Variants in ZCCHC4 observed in about 807,000 individuals in gnomAD.
The protein encoded by ZCCHC4 is zinc finger CCHC-type containing 4, also known as rRNA N(6)-adenosine-methyltransferase ZCCHC4.
In ZCCHC4, 54 loss-of-function variants were observed where a neutral mutation model predicts 67.7. The observed-to-expected ratio is 0.80, with a 90% CI of 0.64 to 1.00. The LOEUF (loss-of-function observed/expected upper bound fraction) is 1.00. Among genes scored for constraint, ZCCHC4 ranks in the 50% least tolerant of loss-of-function variants. ZCCHC4 has a pLI of 0.00. For synonymous variants in ZCCHC4, 198 were observed against 213.5 expected (o/e 0.93, Z 0.63); for missense variants, 609 against 617.0 (o/e 0.99, Z 0.14).
chr4:25,365,853 C>G, intron 12 of ZCCHC4: 2 of 985,188 alleles, frequency 2.0e-6, no homozygotes, highest in Non-Finnish European at 2.4e-6. Flanking sequence ...CTATTTTAAC[C>G]GAGCTAATTT....
chr4:25,337,352 T>A (rs111290572), intron 5 of ZCCHC4, among the ~76,000 whole-genome samples: 2,326 of 152,356 alleles, frequency 0.015, 35 homozygotes, highest in South Asian at 0.041. Flanking sequence ...TGTCTTTCTC[T>A]GTGTATTGAT....
intron 8 of ZCCHC4, among the ~76,000 whole-genome samples, chr4:25,358,821 C>G (rs574068231): frequency 6.6e-6 from 1 of 152,362 alleles, no homozygotes. Context: ...TATAATTACC[C>G]TGCTAACGCT....
intron 3 of ZCCHC4, among the ~76,000 whole-genome samples, chr4:25,327,380 C>CCCTT (rs1718937507): frequency 6.2e-5 from 8 of 128,734 alleles, no homozygotes; most frequent in Non-Finnish European, 1.3e-4. Context: ...TTGAGAATCT[C>CCCTT]CCTCCCTCCC....
intron 3 of ZCCHC4, among the ~76,000 whole-genome samples, chr4:25,323,935 GCTTT>G (rs1002012107): frequency 6.7e-6 from 1 of 150,306 alleles, no homozygotes; most frequent in Non-Finnish European, 1.5e-5. Context: ...CCACTGATCT[GCTTT>G]CTGTCACTAT....
intron 12 of ZCCHC4, among the ~76,000 whole-genome samples, chr4:25,367,529 A>G (rs1720995433): frequency 6.6e-6 from 1 of 152,206 alleles, no homozygotes; most frequent in Non-Finnish European, 1.5e-5. Context: ...GCCATTAGAG[A>G]TTATACTATA....
At chr4:25,347,998 TG>T (rs1720106731) in intron 6 of ZCCHC4, among the ~76,000 whole-genome samples, 1 of 150,520 alleles carries the variant, frequency 6.6e-6, no homozygotes, top group Non-Finnish European at 1.5e-5. Flanking sequence ...GATTCTTACC[TG>T]GAAAAAAAAA....
At chr4:25,351,536 C>T in intron 7 of ZCCHC4, 53 bp from the exon 8 acceptor site, 1 of 1,241,624 alleles carries the variant, frequency 8.1e-7, no homozygotes, top group Non-Finnish European at 1.1e-6. Context: ...CTACTGTAGC[C>T]TTCTATTTTT....
chr4:25,313,916 G>T, intron 1 of ZCCHC4, 130 bp from the exon 2 acceptor site: 2 of 625,084 alleles, frequency 3.2e-6, no homozygotes, highest in Non-Finnish European at 5.6e-6. Flanking sequence ...CAACCAAAGA[G>T]ATGGATTTAA....
At chr4:25,320,477 A>G (rs1338686872) in intron 3 of ZCCHC4, among the ~76,000 whole-genome samples, 1 of 152,242 alleles carries the variant, frequency 6.6e-6, no homozygotes, top group African/African-American at 2.4e-5. Flanking sequence ...AATGGAGATC[A>G]ATAAAAATGA....
rs1719967274 is a variant in ZCCHC4 at position 25,345,531 on chromosome 4, C to G, written c.687-17C>G. On this transcript the variant is annotated splice_polypyrimidine_tract_variant and intron_variant, in intron 5 of 12. Coordinates refer to ENST00000302874, the MANE Select transcript of ZCCHC4 (RefSeq NM_024936.3). ...TATAGCTGTGACTGGGCAAATAACT[C>G]TGTAATTATTTTACAGGTATTCACA... 1 of 1,359,442 alleles carries G rather than the reference C, an allele frequency of 7.4e-7. No individual in the cohort carries two copies. The allele number at this position is 1,359,442 out of a possible 1,614,324, so 84.2% of individuals were successfully genotyped here.
intron 8 of ZCCHC4, among the ~76,000 whole-genome samples, chr4:25,354,073 G>A (rs756397216): frequency 4.7e-4 from 72 of 152,010 alleles, no homozygotes; most frequent in Admixed American, 5.2e-4. Context: ...CTAATAATTC[G>A]TGCCCTTAGA....
rs568824574 is a variant in ZCCHC4, at chr4:25,359,156, A to G, written c.1012-2703A>G. On this transcript the variant is annotated intron_variant, in intron 8 of 12. Coordinates refer to ENST00000302874, the MANE Select transcript of ZCCHC4 (RefSeq NM_024936.3). The surrounding 1 kb of genome is among the most constrained non-coding windows in gnomAD (Gnocchi z 4.9). ...CCAATGGAAACCTGGGCAGCAGTAG[A>G]TGGGTCCCCCGCAAGCATGGAGAAG... Among the ~76,000 whole-genome samples the G allele has an allele frequency of 2.6e-5, 4 of 152,350 alleles. No homozygotes were observed. Among genetic ancestry groups the G allele is most frequent in the Middle Eastern group, 3.4e-3 (1 of 294 alleles).
At chr4:25,364,317 G>T (rs527312155) in intron 10 of ZCCHC4, 137 bp from the exon 11 acceptor site, 9 of 591,848 alleles carry the variant, frequency 1.5e-5, no homozygotes, top group Non-Finnish European at 7.8e-6. Context: ...GTATCTAATT[G>T]TGAAGCCCAG....
At chr4:25,324,909 T>G (rs1345359260) in intron 3 of ZCCHC4, among the ~76,000 whole-genome samples, 1 of 152,208 alleles carries the variant, frequency 6.6e-6, no homozygotes, top group Non-Finnish European at 1.5e-5. Context: ...GAGTTATTCC[T>G]TATACATTGT....
At chr4:25,344,649 C>A (rs1439453969) in intron 5 of ZCCHC4, among the ~76,000 whole-genome samples, 9 of 151,678 alleles carry the variant, frequency 5.9e-5, no homozygotes, top group Non-Finnish European at 1.3e-4. Context: ...AAATAAAACA[C>A]TGTGTTAGCA....
Position 25,333,389 on chromosome 4 carries a change from G to A in ZCCHC4, c.536G>A (p.Ser179Asn), listed in dbSNP as rs2109064799. ...TNAQYLFADR[S>N]CQFLVDLLSA... ...GCCCAGTATCTGTTTGCTGATCGGA[G>A]CTGTCAGTTCTTGGTAGACTTACTT... is the stretch of plus-strand genomic sequence containing the variant. Residue 179 changes from serine to asparagine, a missense_variant, in exon 4 of 13, where the codon AGC becomes AAC. Coordinates refer to ENST00000302874, the MANE Select transcript of ZCCHC4 (RefSeq NM_024936.3). 6.2e-7 allele frequency: 1 copy of A among 1,614,166 alleles called. No individual in the cohort carries two copies. Among genetic ancestry groups the A allele is most frequent in the Non-Finnish European group, 8.5e-7 (1 of 1,180,014 alleles).
At position 25,369,506 on chromosome 4, in the gene ZCCHC4, T is replaced by C; in HGVS notation, c.*342T>C. 4.7e-6 allele frequency: 1 copy of C among 210,638 alleles called. No homozygotes were observed. The highest frequency in any genetic ancestry group is 9.3e-6 in the Non-Finnish European group (1 of 107,264). The allele number at this position is 210,638 out of a possible 1,614,324, so 13.0% of individuals were successfully genotyped here. A position where few individuals can be genotyped will look rare whatever the true frequency, so the allele number is the denominator to read the frequency against. On this transcript the variant is annotated 3_prime_UTR_variant, in exon 13 of 13. Transcript: ENST00000302874. ...TAGAGTGCAATGGCACAACCTCAGC[T>C]CACTGCAACCTCTGCCTCCCGGGTT...
chr4:25,324,217 A>T (rs1037280819), intron 3 of ZCCHC4, among the ~76,000 whole-genome samples: 1 of 150,012 alleles, frequency 6.7e-6, no homozygotes, highest in Non-Finnish European at 1.5e-5. Context: ...AGGTTTCACC[A>T]TGTTGGCCAG....
intron 12 of ZCCHC4, chr4:25,365,383 A>T: frequency 7.4e-7 from 1 of 1,345,172 alleles, no homozygotes. Flanking sequence ...AGAGATGAAA[A>T]TAACCAAAAT....
Sources: allele counts gnomAD v4.1 joint callset (sites outside exome capture counted in the v4.1 genomes callset), GRCh38; gene constraint gnomAD v4.1.1; non-coding constraint Gnocchi (gnomAD v3.1); transcripts MANE v1.5; gene names NCBI Gene and HGNC (gene_info 2026-07-23, HGNC 2026-07-21).